The following AIMP1 variants were observed in gnomAD, a reference collection of about 807,000 sequenced individuals.
AIMP1 encodes aminoacyl tRNA synthetase complex interacting multifunctional protein 1.
AIMP1 carries 24 observed loss-of-function variants against 33.1 expected under a neutral mutation model. The ratio of observed to expected loss-of-function variants is 0.73; its 90% CI spans 0.53 to 1.02. AIMP1 has a LOEUF of 1.02. AIMP1 is among the 50% of genes least tolerant of loss of function. AIMP1 has a pLI of 0.00. For synonymous variants in AIMP1, 120 were observed against 121.5 expected, an observed-to-expected ratio of 0.99 and a Z score of 0.08; for missense variants, 367 against 364.8, an observed-to-expected ratio of 1.01 and a Z score of -0.05.
rs1362821901 is a variant in AIMP1 at position 106,331,735 on chromosome 4, T to A, written c.455T>A (p.Val152Asp). The change falls in exon 5 of 7, where the codon GTT (valine) becomes GAT (aspartate). Residue 152 changes from valine to aspartate, a missense_variant. Transcript: ENST00000672341. Reference protein sequence around the residue: ...AGSADSKPIDVSRLDLRIGCI... With the variant: ...AGSADSKPIDDSRLDLRIGCI... ...AGTGCCGACTCTAAGCCAATAGATG[T>A]TTCCCGTCTGGATCTTCGAATTGGT... 6.2e-7 allele frequency: 1 copy of A among 1,614,110 alleles called. No individual in the cohort carries two copies. The highest frequency in any genetic ancestry group is 1.7e-5 in the Admixed American group (1 of 60,018).
chr4:106,316,624 C>T, intron 1 of AIMP1, 30 bp downstream of exon 1: 2 of 1,548,724 alleles, frequency 1.3e-6, no homozygotes, highest in Non-Finnish European at 8.7e-7. Flanking sequence ...GTCACTCACT[C>T]GGGGATCGCC....
intron 2 of AIMP1, among the ~76,000 whole-genome samples, chr4:106,326,610 C>T (rs1769460879): frequency 2.0e-5 from 3 of 152,092 alleles, no homozygotes; most frequent in Non-Finnish European, 2.9e-5. Flanking sequence ...TTAACTCAGA[C>T]TTTAGCAATA....
At position 106,337,034 on chromosome 4, in the gene AIMP1, C is replaced by G. The variant is rs2125926226; in HGVS notation, c.769C>G (p.Pro257Ala). The G allele has an allele frequency of 6.2e-7, 1 of 1,613,486 alleles. No individual in the cohort carries two copies. The highest frequency in any genetic ancestry group is 8.5e-7 in the Non-Finnish European group (1 of 1,179,570). ...AGACAGAATTACTTTTGATGCTTTC[C>G]CAGGTAGGTATTTATTAGTAATTAC... ...PGDRITFDAF[P>A]GEPDKELNPK... The change falls in exon 6 of 7, where the codon CCA (proline) becomes GCA (alanine). Residue 257 changes from proline to alanine, a missense_variant. By Grantham distance (27) the Pro-to-Ala change is conservative. Coordinates refer to ENST00000672341, the MANE Select transcript of AIMP1 (RefSeq NM_001142416.2).
At chr4:106,331,552 G>C in intron 4 of AIMP1, 120 bp from the exon 5 acceptor site, 1 of 808,906 alleles carries the variant, frequency 1.2e-6, no homozygotes, top group Admixed American at 2.2e-5. Flanking sequence ...GAAGGTAGGA[G>C]ATAAACATTC....
chr4:106,337,131 A>C (rs1769914779), intron 6 of AIMP1, 94 bp downstream of exon 6: 1 of 1,168,336 alleles, frequency 8.6e-7, no homozygotes, highest in Admixed American at 1.7e-5. Flanking sequence ...CCTGTGTAAG[A>C]ATCATGAGTC....
intron 5 of AIMP1, among the ~76,000 whole-genome samples, chr4:106,334,591 T>G (rs1353162986): frequency 1.3e-5 from 2 of 152,206 alleles, no homozygotes; most frequent in Non-Finnish European, 2.9e-5. Flanking sequence ...AAAATAGCCC[T>G]GCCTTTATGA....
At chr4:106,344,451 C>T (rs1270084892) in intron 6 of AIMP1, among the ~76,000 whole-genome samples, 1 of 152,130 alleles carries the variant, frequency 6.6e-6, no homozygotes, top group Non-Finnish European at 1.5e-5. Flanking sequence ...CTCAGAAAAT[C>T]CTAGTGGCTC....
chr4:106,338,784 C>T (rs140952825), intron 6 of AIMP1, among the ~76,000 whole-genome samples: 5 of 152,292 alleles, frequency 3.3e-5, no homozygotes, highest in Admixed American at 2.6e-4. Flanking sequence ...TGACAGCTTC[C>T]GCAGTGTGCC....
At chr4:106,347,279 T>C (rs1030879556) in intron 6 of AIMP1, among the ~76,000 whole-genome samples, 1 of 152,072 alleles carries the variant, frequency 6.6e-6, no homozygotes, top group African/African-American at 2.4e-5. Flanking sequence ...GCTTTATTAC[T>C]TATAAAATAT....
At position 106,347,960 on chromosome 4, in the gene AIMP1, T is replaced by A. The variant is rs1007633549; in HGVS notation, c.*268T>A. 2.1e-5 allele frequency: 6 copies of A among 290,748 alleles called. No homozygotes were observed. Among genetic ancestry groups the A allele is most frequent in the African/African-American group, 4.5e-5 (2 of 44,764 alleles). 18.0% of individuals were successfully genotyped at this position (290,748 alleles called of 1,614,324 possible). A position where few individuals can be genotyped will look rare whatever the true frequency, so the allele number is the denominator to read the frequency against. On this transcript the variant is annotated 3_prime_UTR_variant, in exon 7 of 7. Transcript: ENST00000672341. ...TAGCAGGAATATTGATTAGCAGCTT[T>A]TTTTTCTTTATACACATAGATAACT...
intron 6 of AIMP1, among the ~76,000 whole-genome samples, chr4:106,344,735 A>G (rs556582857): frequency 6.6e-6 from 1 of 152,036 alleles, no homozygotes; most frequent in Admixed American, 6.5e-5. Context: ...AATCTCATGA[A>G]CTCCAGCTTT....
At position 106,347,719 on chromosome 4, in the gene AIMP1, G is replaced by A. The variant is rs113120506; in HGVS notation, c.*27G>A. The stretch of plus-strand genomic sequence containing the variant: ...ATGCTTCCACTACCAAAAGACATTA[G>A]AGAAAACCTTAAAAGTAATAAAGAG... On this transcript the variant is annotated 3_prime_UTR_variant, in exon 7 of 7. Coordinates refer to ENST00000672341, the MANE Select transcript of AIMP1 (RefSeq NM_001142416.2). 1.9e-5 allele frequency: 31 copies of A among 1,605,662 alleles called. 1 individual carries two copies. The African/African-American group carries it at 2.8e-4, about 15-fold the overall frequency.
At chr4:106,318,504 A>C (rs1769073868) in intron 1 of AIMP1, among the ~76,000 whole-genome samples, 1 of 152,202 alleles carries the variant, frequency 6.6e-6, no homozygotes, top group Non-Finnish European at 1.5e-5. Flanking sequence ...GAATGAAGGG[A>C]GGAGAAGAAA....
intron 4 of AIMP1, among the ~76,000 whole-genome samples, chr4:106,329,738 G>A (rs1769595731): frequency 6.7e-6 from 1 of 148,350 alleles, no homozygotes. Flanking sequence ...CAAGGGCTGT[G>A]GTGCCCATAT....
intron 4 of AIMP1, 128 bp downstream of exon 4, chr4:106,328,371 A>G (rs1769540068): frequency 1.7e-6 from 2 of 1,173,200 alleles, no homozygotes; most frequent in African/African-American, 3.1e-5. Flanking sequence ...AAAATTAGGA[A>G]CAATATGATA....
chr4:106,343,474 A>T (rs925512893), intron 6 of AIMP1, among the ~76,000 whole-genome samples: 1 of 152,192 alleles, frequency 6.6e-6, no homozygotes, highest in African/African-American at 2.4e-5. Context: ...TACTCTCCTA[A>T]TCAAAAGTAG....
intron 3 of AIMP1, among the ~76,000 whole-genome samples, 174 bp downstream of exon 3, chr4:106,327,738 G>A (rs1030016199): frequency 2.0e-5 from 3 of 152,172 alleles, no homozygotes; most frequent in African/African-American, 7.2e-5. Flanking sequence ...ACTTCTTAGA[G>A]TATGAGAATT....
At chr4:106,336,790 A>G in intron 5 of AIMP1, 79 bp from the exon 6 acceptor site, 3 of 1,278,008 alleles carry the variant, frequency 2.3e-6, no homozygotes, top group Non-Finnish European at 3.4e-6. Context: ...TTAGCATATT[A>G]GGTGTAGCTT....
chr4:106,331,844 A>G lies in AIMP1; in HGVS notation c.564A>G (p.Thr188=), dbSNP rs765762971. 4 of 1,614,014 alleles carry G rather than the reference A, an allele frequency of 2.5e-6. No individual in the cohort carries two copies. Among genetic ancestry groups the G allele is most frequent in the Non-Finnish European group, 1.7e-6 (2 of 1,179,986 alleles). ...ATGTCGGAGAAATAGCCCCAAGGAC[A>G]GTTGTCAGTGGCCTGGTGAATCATG... ...EVDVGEIAPR[T]VVSGLVNHVP... is the part of the protein sequence containing the mutation. The change falls in exon 5 of 7, where the codon ACA becomes ACG. Residue 188 remains threonine, a synonymous_variant. Transcript: ENST00000672341.
Sources: allele counts gnomAD v4.1 joint callset (sites outside exome capture counted in the v4.1 genomes callset), GRCh38; gene constraint gnomAD v4.1.1; transcripts MANE v1.5; gene names NCBI Gene and HGNC (gene_info 2026-07-23, HGNC 2026-07-21).